The following TMEM38A variants were observed in gnomAD, a reference collection of about 807,000 sequenced individuals.
TMEM38A encodes transmembrane protein 38A.
A neutral mutation model predicts 28.6 loss-of-function variants in TMEM38A; 17 were observed. The ratio of observed to expected loss-of-function variants is 0.60; its 90% CI spans 0.41 to 0.89. The LOEUF (loss-of-function observed/expected upper bound fraction) is 0.89, where lower values mean the gene tolerates loss of function less well. Ranked by LOEUF, TMEM38A falls within the 40% of genes least tolerant of loss-of-function variation. The pLI is 0.00. For missense variants in TMEM38A, 328 were observed against 393.1 expected, an observed-to-expected ratio of 0.83 and a Z score of 1.40; for synonymous variants, 169 against 166.1, an observed-to-expected ratio of 1.02 and a Z score of -0.14.
At chr19:16,665,812 CTTT>C (rs112668614) in intron 1 of TMEM38A, among the ~76,000 whole-genome samples, 3 of 141,026 alleles carry the variant, frequency 2.1e-5, no homozygotes, top group Non-Finnish European at 3.1e-5. Context: ...TTTTCTTTTC[CTTT>C]TTTTTTTTTT....
At chr19:16,672,947 G>T (rs1272428122) in intron 1 of TMEM38A, among the ~76,000 whole-genome samples, 2 of 152,130 alleles carry the variant, frequency 1.3e-5, no homozygotes, top group Non-Finnish European at 2.9e-5. Context: ...GGAAGCCAGG[G>T]ATGCTGCTTA....
chr19:16,685,693 G>C (rs553694505), intron 4 of TMEM38A, among the ~76,000 whole-genome samples: 4 of 152,282 alleles, frequency 2.6e-5, no homozygotes, highest in Non-Finnish European at 5.9e-5. Context: ...AAATTACGTT[G>C]TTACTACCTG....
chr19:16,686,477 G>C, intron 5 of TMEM38A, 72 bp downstream of exon 5: 3 of 1,286,928 alleles, frequency 2.3e-6, no homozygotes, highest in Non-Finnish European at 1.1e-6. Context: ...TTGGGAGTGG[G>C]GAAATTGGAC....
At chr19:16,675,741 G>T (rs1173134808) in intron 1 of TMEM38A, among the ~76,000 whole-genome samples, 1 of 151,112 alleles carries the variant, frequency 6.6e-6, no homozygotes, top group East Asian at 2.0e-4. Context: ...TAGAGACAGG[G>T]TTTCACCATA....
chr19:16,680,225 T>C (rs1320085741), intron 2 of TMEM38A, 85 bp downstream of exon 2: 1 of 1,547,212 alleles, frequency 6.5e-7, no homozygotes. Flanking sequence ...TTGGAGGAAT[T>C]AGAATGCACC....
At position 16,671,201 on chromosome 19, in the gene TMEM38A, C is replaced by CTTTTTTT. The variant is rs34550977; in HGVS notation, c.125-8767_125-8761dup. On this transcript the variant is annotated intron_variant, in intron 1 of 5. Coordinates refer to ENST00000187762, the MANE Select transcript of TMEM38A (RefSeq NM_024074.4). ...GTATGGAAAGGGGAAAGGACCTGGG[C>CTTTTTTT]TTTTTTTTTTTTTTTTTTTTTTGAG... Among the ~76,000 whole-genome samples the CTTTTTTT allele has an allele frequency of 1.3e-3, 107 of 84,848 alleles. 4 individuals carry two copies. The highest frequency in any genetic ancestry group is 5.0e-3 in the African/African-American group (75 of 15,114). The allele number at this position is 84,848 out of a possible 152,430, so 55.7% of individuals were successfully genotyped here. A position where few individuals can be genotyped will look rare whatever the true frequency, so the allele number is the denominator to read the frequency against.
intron 1 of TMEM38A, among the ~76,000 whole-genome samples, chr19:16,668,289 A>C (rs1440248567): frequency 6.6e-6 from 1 of 151,972 alleles, no homozygotes; most frequent in Non-Finnish European, 1.5e-5. Context: ...TCACATCTGT[A>C]ATCCCAGCAA....
intron 4 of TMEM38A, among the ~76,000 whole-genome samples, chr19:16,685,049 T>TATAAATAAATAAATAAATAA (rs202015834): frequency 0.021 from 2,844 of 136,498 alleles, 160 homozygotes; most frequent in African/African-American, 0.065. Flanking sequence ...ACCCTGTCTC[T>TATAAATAAATAAATAAATAA]GTAAATAAAT....
chr19:16,662,869 T>G (rs7359919), intron 1 of TMEM38A, among the ~76,000 whole-genome samples: 13,346 of 152,108 alleles, frequency 0.088, 703 homozygotes, highest in African/African-American at 0.14. Context: ...GAACATTACT[T>G]TGCAAAACAA....
intron 1 of TMEM38A, among the ~76,000 whole-genome samples, chr19:16,665,896 C>A (rs899434936): frequency 6.6e-6 from 1 of 151,710 alleles, no homozygotes; most frequent in Middle Eastern, 3.4e-3. Context: ...GCAACCTTCA[C>A]CTCCCAGATT....
Position 16,688,402 on chromosome 19 carries a change from C to G in TMEM38A, c.*31C>G. 5 of 1,502,870 alleles carry G rather than the reference C, an allele frequency of 3.3e-6. No homozygotes were observed. Among genetic ancestry groups the G allele is most frequent in the Non-Finnish European group, 4.4e-6 (5 of 1,127,542 alleles). The allele number at this position is 1,502,870 out of a possible 1,614,324, so 93.1% of individuals were successfully genotyped here. Reference sequence around the variant, plus strand: ...GGCCCAAGGGGCACCGGGGAGAGGACCCGGACCCAGGACCCTCTGAGCTGG... The same window carrying G: ...GGCCCAAGGGGCACCGGGGAGAGGAGCCGGACCCAGGACCCTCTGAGCTGG... On this transcript the variant is annotated 3_prime_UTR_variant, in exon 6 of 6. Coordinates refer to ENST00000187762, the MANE Select transcript of TMEM38A (RefSeq NM_024074.4).
chr19:16,688,044 A>T, intron 5 of TMEM38A, 100 bp from the exon 6 acceptor site: 1 of 824,026 alleles, frequency 1.2e-6, no homozygotes, highest in Non-Finnish European at 1.8e-6. Flanking sequence ...CTTTGATGAC[A>T]TTCTCTCCCC....
intron 3 of TMEM38A, 35 bp from the exon 4 acceptor site, chr19:16,682,386 G>T (rs781673280): frequency 1.3e-5 from 21 of 1,568,474 alleles, no homozygotes; most frequent in Admixed American, 1.7e-5. Context: ...AGACCTGGGG[G>T]TGGTGGGCTT....
At chr19:16,675,525 C>T (rs934704758) in intron 1 of TMEM38A, among the ~76,000 whole-genome samples, 1 of 146,426 alleles carries the variant, frequency 6.8e-6, no homozygotes, top group Admixed American at 6.9e-5. Flanking sequence ...TGAGTCACCA[C>T]GCCTGGCCTC....
At chr19:16,674,974 C>T (rs62116938) in intron 1 of TMEM38A, among the ~76,000 whole-genome samples, 12,861 of 152,168 alleles carry the variant, frequency 0.085, 631 homozygotes, top group African/African-American at 0.13. Flanking sequence ...CAAATCCACC[C>T]GTTGAATGTA....
At chr19:16,683,589 T>C (rs2086790029) in intron 4 of TMEM38A, among the ~76,000 whole-genome samples, 1 of 102,076 alleles carries the variant, frequency 9.8e-6, no homozygotes, top group South Asian at 2.9e-4. Context: ...CAAGACCTTG[T>C]CTCAAAAAAA....
intron 1 of TMEM38A, among the ~76,000 whole-genome samples, chr19:16,665,232 T>A (rs955147124): frequency 4.6e-5 from 7 of 151,538 alleles, no homozygotes; most frequent in Non-Finnish European, 7.4e-5. Context: ...AGGCAGAGGT[T>A]GCGGTGAGCC....
rs781564564 is a variant in TMEM38A at position 16,682,494 on chromosome 19, CCT to C, written c.541_542del (p.Leu181AlafsTer43). On this transcript the variant is annotated frameshift_variant, in exon 4 of 6. Coordinates refer to ENST00000187762, the MANE Select transcript of TMEM38A (RefSeq NM_024074.4). LOFTEE classifies it high-confidence loss of function. ...GVWKPETNEI[L>X]HMSFPTKASL... ...TCTGGAAGCCAGAGACCAACGAGAT[CCT>C]GCACATGTCTTTGTGAGTATCCCAC... 6.2e-7 allele frequency: 1 copy of C among 1,613,812 alleles called. No individual in the cohort carries two copies. Among genetic ancestry groups the C allele is most frequent in the Non-Finnish European group, 8.5e-7 (1 of 1,179,984 alleles).
intron 1 of TMEM38A, among the ~76,000 whole-genome samples, chr19:16,679,619 A>G (rs190917863): frequency 1.6e-4 from 24 of 152,156 alleles, no homozygotes; most frequent in Admixed American, 1.3e-3. Context: ...AAGTACTCCC[A>G]GGTACAAGCT....
Sources: allele counts gnomAD v4.1 joint callset (sites outside exome capture counted in the v4.1 genomes callset), GRCh38; gene constraint gnomAD v4.1.1; transcripts MANE v1.5; gene names NCBI Gene and HGNC (gene_info 2026-07-23, HGNC 2026-07-21).